Variants in ENOX1 observed in about 807,000 individuals in gnomAD.
ENOX1 encodes the protein ecto-NOX disulfide-thiol exchanger 1, also known as candidate growth-related and time keeping constitutive hydroquinone (NADH) oxidase.
In ENOX1, 42 loss-of-function variants were observed where a neutral mutation model predicts 82.5. That is an observed-to-expected ratio of 0.51 (90% CI 0.40 to 0.66). ENOX1 has a LOEUF of 0.66. Ranked by LOEUF, ENOX1 falls within the 30% of genes least tolerant of loss-of-function variation. The probability of loss-of-function intolerance (pLI) is 0.00; values close to 1 mark genes in which losing one functional copy is unlikely to be tolerated. For synonymous variants in ENOX1, 271 were observed against 282.2 expected, an observed-to-expected ratio of 0.96 and a Z score of 0.40; for missense variants, 608 against 811.6, an observed-to-expected ratio of 0.75 and a Z score of 3.05.
chr13:43,430,038 G>T (rs1396561328), intron 3 of ENOX1, among the ~76,000 whole-genome samples: 4 of 152,196 alleles, frequency 2.6e-5, no homozygotes, highest in Non-Finnish European at 5.9e-5. Context: ...ATCAGTGAAT[G>T]CATATAAAGT....
rs1368344681 is a variant in ENOX1 at position 43,417,039 on chromosome 13, T to C, written c.-74-4051A>G. ...GCCCGGTCAACAGGGTGAAACCCTG[T>C]CTCCACCAAAAATACAAAAACCAGT... On this transcript the variant is annotated intron_variant, in intron 3 of 16. Transcript: ENST00000690772. Among the ~76,000 whole-genome samples, 6 of 152,168 alleles carry C rather than the reference T, an allele frequency of 3.9e-5. No homozygotes were observed. In the East Asian group the frequency reaches 5.8e-4, roughly 15 times the overall value.
intron 1 of ENOX1, among the ~76,000 whole-genome samples, chr13:43,705,127 A>T (rs1014885857): frequency 6.6e-6 from 1 of 152,000 alleles, no homozygotes; most frequent in Non-Finnish European, 1.5e-5. Context: ...AAGGAGGAAC[A>T]GAGAAACAAA....
chr13:43,606,995 G>A (rs992133299), intron 2 of ENOX1, among the ~76,000 whole-genome samples: 14 of 152,062 alleles, frequency 9.2e-5, no homozygotes, highest in Non-Finnish European at 1.5e-4. Context: ...GTGACAGAGC[G>A]AGACCCTGTC....
At chr13:43,735,250 A>G (rs117068145) in intron 1 of ENOX1, among the ~76,000 whole-genome samples, 3 of 152,198 alleles carry the variant, frequency 2.0e-5, no homozygotes, top group South Asian at 2.1e-4. Context: ...AAAGACCACA[A>G]TTACAACCTG....
intron 1 of ENOX1, among the ~76,000 whole-genome samples, chr13:43,739,118 A>G (rs1342607808): frequency 6.6e-6 from 1 of 152,212 alleles, no homozygotes; most frequent in African/African-American, 2.4e-5. Flanking sequence ...TTCACTAACA[A>G]TCTTACACTA....
intron 2 of ENOX1, among the ~76,000 whole-genome samples, chr13:43,553,940 G>A (rs1343859995): frequency 6.6e-6 from 1 of 152,108 alleles, no homozygotes; most frequent in African/African-American, 2.4e-5. Flanking sequence ...GTAGAGACGG[G>A]ATTTTGCCAT....
chr13:43,444,696 C>T (rs983156248), intron 3 of ENOX1, among the ~76,000 whole-genome samples: 11 of 152,168 alleles, frequency 7.2e-5, no homozygotes, highest in African/African-American at 2.4e-4. Flanking sequence ...ATTTAAAAAA[C>T]GTGTATAAGA....
At chr13:43,339,984 C>T (rs1213960885) in intron 9 of ENOX1, among the ~76,000 whole-genome samples, 4 of 152,166 alleles carry the variant, frequency 2.6e-5, no homozygotes, top group African/African-American at 9.7e-5. Context: ...TCCCCAAAGT[C>T]CTGACATCAA....
intron 2 of ENOX1, among the ~76,000 whole-genome samples, chr13:43,602,902 T>A (rs928543527): frequency 3.3e-5 from 5 of 152,164 alleles, no homozygotes; most frequent in Admixed American, 3.3e-4. Flanking sequence ...CAATTGACAG[T>A]GTATTTCTAA....
rs143045555 is a variant in ENOX1 at position 43,326,136 on chromosome 13, T to G, written c.1143+283A>C. On this transcript the variant is annotated intron_variant, in intron 10 of 16. Coordinates refer to ENST00000690772, the MANE Select transcript of ENOX1 (RefSeq NM_001347969.2). ...AGCTCCATTTTTCTTCAAAATAATT[T>G]GCTAGGGAAAGTGTCTTGGTTTATT... Among the ~76,000 whole-genome samples, 628 of 152,334 alleles carry G rather than the reference T, an allele frequency of 4.1e-3. 3 individuals are homozygous for G. The highest frequency in any genetic ancestry group is 9.3e-3 in the South Asian group (45 of 4,828).
At chr13:43,672,795 C>T (rs545618534) in intron 1 of ENOX1, among the ~76,000 whole-genome samples, 4 of 152,048 alleles carry the variant, frequency 2.6e-5, no homozygotes, top group South Asian at 4.1e-4. Flanking sequence ...TAAAAACCAC[C>T]GCTCTATGAT....
intron 8 of ENOX1, among the ~76,000 whole-genome samples, chr13:43,346,604 GA>G (rs1443536488): frequency 6.6e-6 from 1 of 152,170 alleles, no homozygotes; most frequent in Non-Finnish European, 1.5e-5. Flanking sequence ...AACCCTCAGT[GA>G]ACTCCAGCTG....
intron 5 of ENOX1, among the ~76,000 whole-genome samples, chr13:43,376,629 A>T (rs577176008): frequency 1.4e-4 from 21 of 152,374 alleles, no homozygotes; most frequent in African/African-American, 4.8e-4. Context: ...CCAGAGTTAT[A>T]TGACTGACAC....
At chr13:43,530,349 A>G (rs2078158021) in intron 2 of ENOX1, among the ~76,000 whole-genome samples, 1 of 152,156 alleles carries the variant, frequency 6.6e-6, no homozygotes, top group Admixed American at 6.6e-5. Context: ...ATTATTTCCT[A>G]CTTGTCATCT....
At chr13:43,687,949 G>A (rs1034197212) in intron 1 of ENOX1, among the ~76,000 whole-genome samples, 1 of 152,078 alleles carries the variant, frequency 6.6e-6, no homozygotes. Context: ...ATGTAGGAAG[G>A]GGGAGGAGGA....
At position 43,521,770 on chromosome 13, in the gene ENOX1, T is replaced by C. The variant is rs113845471; in HGVS notation, c.-218-37618A>G. On this transcript the variant is annotated intron_variant, in intron 2 of 16. Transcript: ENST00000690772. ...CTCTTCTACTGGACTGGGAGCTCCC[T>C]GAGGTCTGGTCTGAATGGTGTCTCC... Among the ~76,000 whole-genome samples the C allele has an allele frequency of 9.9e-5, 15 of 152,272 alleles. No individual in the cohort carries two copies. In the East Asian group the frequency reaches 2.7e-3, roughly 28 times the overall value.
intron 14 of ENOX1, among the ~76,000 whole-genome samples, chr13:43,256,725 C>T (rs2043770873): frequency 6.6e-6 from 1 of 152,244 alleles, no homozygotes; most frequent in South Asian, 2.1e-4. Context: ...ATGCAAATTA[C>T]TACAGCTGTT....
At chr13:43,671,835 G>A (rs1335171816) in intron 1 of ENOX1, among the ~76,000 whole-genome samples, 5 of 152,160 alleles carry the variant, frequency 3.3e-5, no homozygotes, top group South Asian at 4.1e-4. Context: ...CCCCAAGAGC[G>A]AGATAGCAAG....
chr13:43,298,972 T>C (rs1190953648), intron 11 of ENOX1, among the ~76,000 whole-genome samples: 1 of 152,318 alleles, frequency 6.6e-6, no homozygotes. Context: ...GTTCCACAGG[T>C]TGAGACATGC....
Sources: allele counts gnomAD v4.1 joint callset (sites outside exome capture counted in the v4.1 genomes callset), GRCh38; gene constraint gnomAD v4.1.1; transcripts MANE v1.5; gene names NCBI Gene and HGNC (gene_info 2026-07-23, HGNC 2026-07-21).